The following KIF1B variants were observed in gnomAD, a reference collection of about 807,000 sequenced individuals.
KIF1B encodes the protein kinesin family member 1B.
Under a neutral mutation model 241.9 loss-of-function variants are expected in KIF1B, and 76 were observed. The ratio of observed to expected loss-of-function variants is 0.31; its 90% CI spans 0.26 to 0.38. The LOEUF (loss-of-function observed/expected upper bound fraction) is 0.38, where lower values mean the gene tolerates loss of function less well. Among genes scored for constraint, KIF1B ranks in the 10% least tolerant of loss-of-function variants. The probability of loss-of-function intolerance (pLI) is 1.00; values close to 1 mark genes in which losing one functional copy is unlikely to be tolerated. For synonymous variants in KIF1B, 750 were observed against 796.7 expected, an observed-to-expected ratio of 0.94 and a Z score of 0.99; for missense variants, 1,622 against 2,271.4, an observed-to-expected ratio of 0.71 and a Z score of 5.81.
At position 10,360,923 on chromosome 1, in the gene KIF1B, C is replaced by T; in HGVS notation, c.4056-6C>T. On this transcript the variant is annotated splice_polypyrimidine_tract_variant and splice_region_variant and intron_variant, in intron 38 of 48. Transcript: ENST00000676179. ...GGATGATTCCCTCTTGTCTTTCTGA[C>T]CTTAGGACCTTCTACCGCTTTGAGG... The T allele has an allele frequency of 6.3e-7, 1 of 1,598,510 alleles. No individual in the cohort carries two copies. The highest frequency in any genetic ancestry group is 8.6e-7 in the Non-Finnish European group (1 of 1,165,910).
chr1:10,357,934 G>A (rs570777414), intron 38 of KIF1B, among the ~76,000 whole-genome samples: 7 of 151,938 alleles, frequency 4.6e-5, no homozygotes, highest in African/African-American at 1.2e-4. Flanking sequence ...GCTTAAACCC[G>A]GGAGGCGGAG....
intron 5 of KIF1B, among the ~76,000 whole-genome samples, chr1:10,266,019 A>G (rs766793473): frequency 5.3e-5 from 8 of 152,216 alleles, no homozygotes; most frequent in Non-Finnish European, 7.3e-5. Flanking sequence ...GAATAGCTCC[A>G]TGATACAGAA....
intron 5 of KIF1B, among the ~76,000 whole-genome samples, chr1:10,267,095 C>G (rs1229718121): frequency 6.6e-6 from 1 of 151,960 alleles, no homozygotes; most frequent in East Asian, 1.9e-4. Flanking sequence ...TCGGCTCACT[C>G]TAACCTCCAC....
At position 10,256,558 on chromosome 1, in the gene KIF1B, T is replaced by C. The variant is rs190092730; in HGVS notation, c.183+235T>C. Among the ~76,000 whole-genome samples, 5 of 152,218 alleles carry C rather than the reference T, an allele frequency of 3.3e-5. No homozygotes were observed. The East Asian group carries it at 7.7e-4, about 23-fold the overall frequency. On this transcript the variant is annotated intron_variant, in intron 3 of 48. Transcript: ENST00000676179. ...TACACATATATACATACAGAACATA[T>C]TTAGTTTACACCAAATTTATACTGA...
At chr1:10,332,521 T>A (rs1651988244) in intron 27 of KIF1B, among the ~76,000 whole-genome samples, 1 of 125,978 alleles carries the variant, frequency 7.9e-6, no homozygotes. Context: ...TTTTTTTTTT[T>A]TTTTTTTTTT....
intron 36 of KIF1B, 99 bp downstream of exon 36, chr1:10,347,926 T>G: frequency 9.3e-7 from 1 of 1,077,824 alleles, no homozygotes; most frequent in East Asian, 2.5e-5. Context: ...CATCTCTATT[T>G]CAGAGGGTGG....
At chr1:10,339,632 C>T (rs1652312903) in intron 31 of KIF1B, 137 bp from the exon 32 acceptor site, 1 of 758,000 alleles carries the variant, frequency 1.3e-6, no homozygotes, top group African/African-American at 1.8e-5. Flanking sequence ...AGGTTCTTGA[C>T]AAGGAAAGTA....
At chr1:10,339,916 C>A in intron 32 of KIF1B, 57 bp downstream of exon 32, 1 of 1,415,864 alleles carries the variant, frequency 7.1e-7, no homozygotes, top group Non-Finnish European at 1.0e-6. Context: ...TTGGCTTTCT[C>A]AGCCCGGGAA....
chr1:10,290,104 G>T (rs550239258), intron 15 of KIF1B, among the ~76,000 whole-genome samples: 35 of 152,028 alleles, frequency 2.3e-4, no homozygotes, highest in Non-Finnish European at 4.6e-4. Context: ...CTCCTTGAGA[G>T]CAGGAAACAT....
chr1:10,286,953 G>A (rs951524010), intron 15 of KIF1B, among the ~76,000 whole-genome samples: 1 of 152,112 alleles, frequency 6.6e-6, no homozygotes, highest in Non-Finnish European at 1.5e-5. Context: ...CCCCTAGAGT[G>A]GGGTATGGGA....
At chr1:10,280,295 C>T (rs1035635184) in intron 14 of KIF1B, among the ~76,000 whole-genome samples, 5 of 151,628 alleles carry the variant, frequency 3.3e-5, no homozygotes, top group Middle Eastern at 3.2e-3. Context: ...AGTTCAGTGG[C>T]GGAATCTCGG....
At chr1:10,297,148 A>ATTTTTTTTTT in intron 21 of KIF1B, 26 bp from the exon 22 acceptor site, 1 of 1,535,436 alleles carries the variant, frequency 6.5e-7, no homozygotes, top group Non-Finnish European at 8.9e-7. Context: ...GCATTCTTGA[A>ATTTTTTTTTT]TTTTTTTTTT....
At chr1:10,301,403 C>A (rs990114053) in intron 22 of KIF1B, among the ~76,000 whole-genome samples, 1 of 152,070 alleles carries the variant, frequency 6.6e-6, no homozygotes, top group East Asian at 1.9e-4. Flanking sequence ...CGGTGGCTCA[C>A]CCCTGTAATC....
chr1:10,251,320 GT>G (rs1327516151), intron 2 of KIF1B, among the ~76,000 whole-genome samples: 1 of 133,696 alleles, frequency 7.5e-6, no homozygotes, highest in Non-Finnish European at 1.6e-5. Flanking sequence ...CATTGGTGTA[GT>G]TTTTCCTTTC....
At chr1:10,214,665 C>T (rs1646739699) in intron 1 of KIF1B, among the ~76,000 whole-genome samples, 2 of 151,480 alleles carry the variant, frequency 1.3e-5, no homozygotes, top group South Asian at 4.2e-4. Context: ...TCACTGCAAC[C>T]TCCACCTCCT....
At position 10,282,315 on chromosome 1, in the gene KIF1B, C is replaced by G. The variant is rs1164114222; in HGVS notation, c.1223-7C>G. On this transcript the variant is annotated splice_polypyrimidine_tract_variant and splice_region_variant and intron_variant, in intron 14 of 48. Coordinates refer to ENST00000676179, the MANE Select transcript of KIF1B (RefSeq NM_001365951.3). ...TTTTCCTGCCTTCTCTTCTTTCTAT[C>G]TCCCAGATCTGAAAGATTTTCAGAA... 3 of 1,609,902 alleles carry G rather than the reference C, an allele frequency of 1.9e-6. No individual in the cohort carries two copies. Among genetic ancestry groups the G allele is most frequent in the East Asian group, 4.5e-5 (2 of 44,832 alleles).
intron 28 of KIF1B, 67 bp downstream of exon 28, chr1:10,334,705 G>A: frequency 8.1e-7 from 1 of 1,239,260 alleles, no homozygotes; most frequent in Non-Finnish European, 1.2e-6. Context: ...GGCTGATTCT[G>A]CGTGGGTCAC....
At chr1:10,330,017 G>C (rs534401436) in intron 27 of KIF1B, among the ~76,000 whole-genome samples, 1 of 152,176 alleles carries the variant, frequency 6.6e-6, no homozygotes, top group African/African-American at 2.4e-5. Flanking sequence ...CCATAATTTT[G>C]CTAATTTTTC....
chr1:10,228,390 A>C (rs1266495572), intron 1 of KIF1B, among the ~76,000 whole-genome samples: 2 of 152,092 alleles, frequency 1.3e-5, no homozygotes, highest in Non-Finnish European at 2.9e-5. Flanking sequence ...TAAGCTTATG[A>C]ATTTATATAT....
Sources: allele counts gnomAD v4.1 joint callset (sites outside exome capture counted in the v4.1 genomes callset), GRCh38; gene constraint gnomAD v4.1.1; transcripts MANE v1.5; gene names NCBI Gene and HGNC (gene_info 2026-07-23, HGNC 2026-07-21).